Variants in ZC3H14 observed in about 807,000 individuals in gnomAD.
ZC3H14 encodes the protein zinc finger CCCH domain-containing protein 14.
Under a neutral mutation model 92.4 loss-of-function variants are expected in ZC3H14, and 31 were observed. That is an observed-to-expected ratio of 0.34 (90% CI 0.25 to 0.45). The LOEUF is 0.45. Ranked by LOEUF, ZC3H14 falls within the 20% of genes least tolerant of loss-of-function variation. The pLI is 1.00. For missense variants in ZC3H14, 781 were observed against 897.3 expected (o/e 0.87, Z 1.66); for synonymous variants, 321 against 300.9 (o/e 1.07, Z -0.69).
rs539368483 is a variant in ZC3H14, at chr14:88,587,093, A to G, written c.1279+8953A>G. 3.4e-4 allele frequency among the ~76,000 whole-genome samples: 52 copies of G among 152,250 alleles called. No homozygotes were observed. In the South Asian group the frequency reaches 9.9e-3, roughly 29 times the overall value. Reference sequence around the variant, plus strand: ...ATTGGTTACTTTAGTAATTTTAAGTAGTAACTTAAATATTTCTTGTCTGGT... The same window carrying G: ...ATTGGTTACTTTAGTAATTTTAAGTGGTAACTTAAATATTTCTTGTCTGGT... On this transcript the variant is annotated intron_variant, in intron 9 of 16. Transcript: ENST00000251038.
intron 7 of ZC3H14, 146 bp downstream of exon 7, chr14:88,574,999 C>T (rs113037576): frequency 3.7e-4 from 458 of 1,249,676 alleles, no homozygotes; most frequent in Non-Finnish European, 4.5e-4. Flanking sequence ...TGCAGTGCCA[C>T]GATCTCGGCT....
chr14:88,564,056 G>T (rs1394473961), intron 2 of ZC3H14, among the ~76,000 whole-genome samples: 1 of 152,118 alleles, frequency 6.6e-6, no homozygotes, highest in Non-Finnish European at 1.5e-5. Context: ...TCTGACCTTA[G>T]CCTCCCTAGG....
chr14:88,626,813 ACTATGTGCATTTTAAGAGACATACTGCAC>A lies in ZC3H14; in HGVS notation c.*15064_*15092del. The stretch of plus-strand genomic sequence containing the variant: ...GAGAATGTAAAGTAGTCAAAGTCAC[ACTATGTGCATTTTAAGAGACATACTGCAC>A]CAAATGCAATAGCGAGCATGGTCTG... On this transcript the variant is annotated 3_prime_UTR_variant, in exon 17 of 17. Transcript: ENST00000251038. The A allele has an allele frequency of 6.2e-7, 1 of 1,611,756 alleles. No individual in the cohort carries two copies. The highest frequency in any genetic ancestry group is 8.5e-7 in the Non-Finnish European group (1 of 1,178,724).
intron 8 of ZC3H14, among the ~76,000 whole-genome samples, chr14:88,577,660 T>G (rs12434911): frequency 0.22 from 32,701 of 151,866 alleles, 3,856 homozygotes; most frequent in East Asian, 0.33. Flanking sequence ...ACCTCCGCCT[T>G]CCGGGTTTAA....
At chr14:88,588,995 A>AT (rs1011510470) in intron 9 of ZC3H14, among the ~76,000 whole-genome samples, 66 of 150,074 alleles carry the variant, frequency 4.4e-4, no homozygotes, top group African/African-American at 1.2e-3. Context: ...AATTAAAGGG[A>AT]TTTTTTTTTT....
At chr14:88,598,242 G>A (rs1256219298) in intron 10 of ZC3H14, among the ~76,000 whole-genome samples, 1 of 152,118 alleles carries the variant, frequency 6.6e-6, no homozygotes, top group Non-Finnish European at 1.5e-5. Flanking sequence ...CTTTCTGTTT[G>A]AAACTAGACC....
intron 12 of ZC3H14, among the ~76,000 whole-genome samples, chr14:88,606,851 C>T (rs1180154879): frequency 6.6e-6 from 1 of 151,664 alleles, no homozygotes; most frequent in Admixed American, 6.6e-5. Flanking sequence ...CACTCATCAT[C>T]TTGCTGGCGT....
chr14:88,585,162 T>G (rs1460515121), intron 9 of ZC3H14, among the ~76,000 whole-genome samples: 1 of 152,180 alleles, frequency 6.6e-6, no homozygotes, highest in Non-Finnish European at 1.5e-5. Context: ...TAATCTCATC[T>G]GAGTTTGCCT....
rs1479169794 is a variant in ZC3H14, at chr14:88,627,161, A to C, written c.*15410A>C. ...AAACAAAGGCTTAGAAGAGAGGCCA[A>C]TGGCCCCTGCTCTACTACCTAGCAA... On this transcript the variant is annotated 3_prime_UTR_variant, in exon 17 of 17. Coordinates refer to ENST00000251038, the MANE Select transcript of ZC3H14 (RefSeq NM_024824.5). The C allele has an allele frequency of 1.0e-6, 1 of 985,934 alleles. No individual in the cohort carries two copies. Among genetic ancestry groups the C allele is most frequent in the African/African-American group, 1.6e-5 (1 of 62,416 alleles). The allele number at this position is 985,934 out of a possible 1,614,324, so 61.1% of individuals were successfully genotyped here.
intron 3 of ZC3H14, among the ~76,000 whole-genome samples, chr14:88,570,271 C>A (rs899617468): frequency 1.3e-5 from 2 of 152,010 alleles, no homozygotes; most frequent in African/African-American, 4.8e-5. Flanking sequence ...TAATTGTGTC[C>A]GTGGGGACAG....
chr14:88,570,815 G>A (rs1265390707), intron 3 of ZC3H14, among the ~76,000 whole-genome samples: 1 of 152,144 alleles, frequency 6.6e-6, no homozygotes, highest in Non-Finnish European at 1.5e-5. Flanking sequence ...ACTAAATACA[G>A]TTTATCAGTA....
Position 88,602,808 on chromosome 14 carries a change from A to T in ZC3H14, c.1515-20A>T, listed in dbSNP as rs747546761. On this transcript the variant is annotated intron_variant, in intron 11 of 16. Coordinates refer to ENST00000251038, the MANE Select transcript of ZC3H14 (RefSeq NM_024824.5). ...GTGTTTGTTTCCCTAATTCTATGGT[A>T]TTTTTTATCTGTCTGGCAGAGATCT... 6.2e-7 allele frequency: 1 copy of T among 1,612,322 alleles called. No individual in the cohort carries two copies.
Position 88,618,056 on chromosome 14 carries a change from A to G in ZC3H14, c.*6305A>G. ...TCATGGAAACTGATAAAACATGGAA[A>G]TATATTCAATAAAAAGGGGTCCCAA... On this transcript the variant is annotated 3_prime_UTR_variant, in exon 17 of 17. Transcript: ENST00000251038. 1 of 437,982 alleles carries G rather than the reference A, an allele frequency of 2.3e-6. No individual in the cohort carries two copies. Among genetic ancestry groups the G allele is most frequent in the Non-Finnish European group, 4.0e-6 (1 of 250,082 alleles). The allele number at this position is 437,982 out of a possible 1,614,324, so 27.1% of individuals were successfully genotyped here.
chr14:88,585,569 G>A (rs1228026969), intron 9 of ZC3H14, among the ~76,000 whole-genome samples: 1 of 151,904 alleles, frequency 6.6e-6, no homozygotes, highest in African/African-American at 2.4e-5. Context: ...TAGAGACGAG[G>A]TTTCACCATA....
chr14:88,597,892 AGTT>A (rs1484102591), intron 10 of ZC3H14, among the ~76,000 whole-genome samples: 2 of 152,222 alleles, frequency 1.3e-5, no homozygotes, highest in African/African-American at 4.8e-5. Context: ...AATAGCAAGT[AGTT>A]CTGTGAGGCT....
chr14:88,621,752 A>G lies in ZC3H14; in HGVS notation c.*10001A>G. Reference sequence around the variant, plus strand: ...TTAATAAGTACAAACACGCTCAAAAATTTTCATAGGAGTTGTAGTTTTGAA... The same window carrying G: ...TTAATAAGTACAAACACGCTCAAAAGTTTTCATAGGAGTTGTAGTTTTGAA... On this transcript the variant is annotated 3_prime_UTR_variant, in exon 17 of 17. Transcript: ENST00000251038. The G allele has an allele frequency of 2.9e-6, 1 of 344,956 alleles. No individual in the cohort carries two copies. The highest frequency in any genetic ancestry group is 9.8e-4 in the Middle Eastern group (1 of 1,016). 21.4% of individuals were successfully genotyped at this position (344,956 alleles called of 1,614,324 possible).
rs145362297 is a variant in ZC3H14 at position 88,594,774 on chromosome 14, T to A, written c.1280-1960T>A. 1,130 of 1,614,078 alleles carry A rather than the reference T, an allele frequency of 7.0e-4. 3 individuals carry two copies. The African/African-American group carries it at 7.4e-3, about 11-fold the overall frequency. ...CATCACCACCTCTACCAATTTTTCTTCCACCGGAGCCAGTGGACTTAGGTT... is the reference window on the plus strand; with the variant it reads ...CATCACCACCTCTACCAATTTTTCTACCACCGGAGCCAGTGGACTTAGGTT... On this transcript the variant is annotated intron_variant, in intron 9 of 16. Transcript: ENST00000251038.
chr14:88,603,278 T>A (rs1461261638), intron 12 of ZC3H14, among the ~76,000 whole-genome samples: 1 of 152,190 alleles, frequency 6.6e-6, no homozygotes, highest in Non-Finnish European at 1.5e-5. Flanking sequence ...GAAAACGGAG[T>A]TCAGCCATGG....
chr14:88,616,665 C>A lies in ZC3H14; in HGVS notation c.*4914C>A, dbSNP rs2140232905. The A allele has an allele frequency of 2.1e-6, 3 of 1,441,822 alleles. No individual in the cohort carries two copies. The highest frequency in any genetic ancestry group is 2.0e-4 in the Middle Eastern group (1 of 4,922). 89.3% of individuals were successfully genotyped at this position (1,441,822 alleles called of 1,614,324 possible). ...CATTTTAAATATATGGGGAAAAGTG[C>A]TGATGATAAGACATCAAAATTAGGA... On this transcript the variant is annotated 3_prime_UTR_variant, in exon 17 of 17. Coordinates refer to ENST00000251038, the MANE Select transcript of ZC3H14 (RefSeq NM_024824.5).
Sources: allele counts gnomAD v4.1 joint callset (sites outside exome capture counted in the v4.1 genomes callset), GRCh38; gene constraint gnomAD v4.1.1; transcripts MANE v1.5; gene names NCBI Gene and HGNC (gene_info 2026-07-23, HGNC 2026-07-21).